HCN1: variants seen among roughly 807,000 people sequenced by gnomAD.
HCN1 encodes hyperpolarization activated cyclic nucleotide gated potassium channel 1.
HCN1 carries 13 observed loss-of-function variants against 78.9 expected under a neutral mutation model. That is an observed-to-expected ratio of 0.16 (90% CI 0.11 to 0.26). The LOEUF is 0.26. Ranked by LOEUF, HCN1 falls within the 10% of genes least tolerant of loss-of-function variation. The pLI, the probability that HCN1 is intolerant of heterozygous loss-of-function variation, is 1.00. For synonymous variants in HCN1, 552 were observed against 455.5 expected (o/e 1.21, Z -2.70); for missense variants, 810 against 1,154.3 (o/e 0.70, Z 4.32).
At chr5:45,583,785 C>T (rs1259034314) in intron 2 of HCN1, among the ~76,000 whole-genome samples, 1 of 152,060 alleles carries the variant, frequency 6.6e-6, no homozygotes, top group Admixed American at 6.5e-5. Context: ...CATTATGTAC[C>T]CAGCAGTCAT....
chr5:45,358,342 C>T (rs995414009), intron 4 of HCN1, among the ~76,000 whole-genome samples: 2 of 151,990 alleles, frequency 1.3e-5, no homozygotes, highest in African/African-American at 4.8e-5. Flanking sequence ...TTTTTATATC[C>T]ATGAAATGAT....
At chr5:45,512,702 A>C (rs1237601945) in intron 2 of HCN1, among the ~76,000 whole-genome samples, 1 of 152,114 alleles carries the variant, frequency 6.6e-6, no homozygotes, top group Non-Finnish European at 1.5e-5. Context: ...CCACGGTTAC[A>C]TTGTTGAAAA....
At chr5:45,654,022 T>C (rs1745724381) in intron 1 of HCN1, among the ~76,000 whole-genome samples, 1 of 152,138 alleles carries the variant, frequency 6.6e-6, no homozygotes, top group African/African-American at 2.4e-5. Flanking sequence ...AGAATTATGA[T>C]GCACGTTTTT....
At chr5:45,506,641 A>AT (rs954101412) in intron 2 of HCN1, among the ~76,000 whole-genome samples, 4 of 152,126 alleles carry the variant, frequency 2.6e-5, no homozygotes, top group African/African-American at 7.2e-5. Context: ...GTATTTCTTA[A>AT]TTTTTTATTT....
rs532006459 is a variant in HCN1, at chr5:45,343,779, G to T, written c.1377+9321C>A. Reference sequence around the variant, plus strand: ...GAAATGTGAGATAATATAAATAAAAGATAATAAATTCAAAGATACAGAATG... The same window carrying T: ...GAAATGTGAGATAATATAAATAAAATATAATAAATTCAAAGATACAGAATG... On this transcript the variant is annotated intron_variant, in intron 5 of 7. Coordinates refer to ENST00000303230, the MANE Select transcript of HCN1 (RefSeq NM_021072.4). Among the ~76,000 whole-genome samples the T allele has an allele frequency of 7.9e-5, 12 of 151,748 alleles. 1 individual carries two copies. The South Asian group carries it at 8.3e-4, about 11-fold the overall frequency.
chr5:45,594,753 A>G lies in HCN1; in HGVS notation c.849+50432T>C, dbSNP rs981281330. Among the ~76,000 whole-genome samples the G allele has an allele frequency of 2.0e-5, 3 of 152,188 alleles. No homozygotes were observed. In the East Asian group the frequency reaches 5.8e-4, roughly 29 times the overall value. ...AAGGAGATGTCTCCTTAAGTAACCC[A>G]CATCTGACATTAACCAAATTCATCA... On this transcript the variant is annotated intron_variant, in intron 2 of 7. Coordinates refer to ENST00000303230, the MANE Select transcript of HCN1 (RefSeq NM_021072.4).
chr5:45,381,650 C>T (rs1343915308), intron 4 of HCN1, among the ~76,000 whole-genome samples: 1 of 152,068 alleles, frequency 6.6e-6, no homozygotes, highest in Non-Finnish European at 1.5e-5. Context: ...CCTCTCACAT[C>T]TATTCCATCA....
In HCN1 at chr5:45,583,005, G is replaced by C. The variant is rs568607914; in HGVS notation, c.849+62180C>G. On this transcript the variant is annotated intron_variant, in intron 2 of 7. Transcript: ENST00000303230. ...TCTTTTTTTTTTTTGTTGTGTCTCTGCCAGGGTTTGGTATCAGGATGATGT... is the reference window on the plus strand; with the variant it reads ...TCTTTTTTTTTTTTGTTGTGTCTCTCCCAGGGTTTGGTATCAGGATGATGT... Among the ~76,000 whole-genome samples, 26 of 151,426 alleles carry C rather than the reference G, an allele frequency of 1.7e-4. No individual in the cohort carries two copies. The East Asian group carries it at 3.9e-3, about 23-fold the overall frequency.
At chr5:45,405,779 A>G (rs983900777) in intron 3 of HCN1, among the ~76,000 whole-genome samples, 4 of 152,148 alleles carry the variant, frequency 2.6e-5, no homozygotes, top group Admixed American at 6.6e-5. Context: ...CTTTTGCCTT[A>G]TAAGAGGGTT....
chr5:45,257,056 C>T lies in HCN1; in HGVS notation c.*4865G>A, dbSNP rs1744629468. On this transcript the variant is annotated 3_prime_UTR_variant, in exon 8 of 8. Transcript: ENST00000303230. ...GCAAACCTAGGACCTTCCTTAGGAC[C>T]CAGCATCCTCACAAGGCAGGGTGGG... 2 of 152,198 alleles carry T rather than the reference C, an allele frequency of 1.3e-5. No homozygotes were observed. Among genetic ancestry groups the T allele is most frequent in the Non-Finnish European group, 2.9e-5 (2 of 68,054 alleles). 9.4% of individuals were successfully genotyped at this position (152,198 alleles called of 1,614,324 possible).
At chr5:45,322,818 G>A (rs981382804) in intron 5 of HCN1, among the ~76,000 whole-genome samples, 1 of 151,746 alleles carries the variant, frequency 6.6e-6, no homozygotes, top group African/African-American at 2.4e-5. Flanking sequence ...CAATTTTATA[G>A]ATAAACCAAA....
At chr5:45,445,860 A>G (rs1184684194) in intron 3 of HCN1, among the ~76,000 whole-genome samples, 1 of 152,212 alleles carries the variant, frequency 6.6e-6, no homozygotes, top group Non-Finnish European at 1.5e-5. Flanking sequence ...ACAAACACAA[A>G]GGACATGCAC....
intron 1 of HCN1, among the ~76,000 whole-genome samples, chr5:45,675,833 T>A (rs986926892): frequency 6.6e-6 from 1 of 151,842 alleles, no homozygotes; most frequent in African/African-American, 2.4e-5. Flanking sequence ...TATACTTCAA[T>A]CTAAATAGCA....
chr5:45,292,780 CA>C (rs1165655267), intron 6 of HCN1, among the ~76,000 whole-genome samples: 4 of 151,850 alleles, frequency 2.6e-5, no homozygotes, highest in African/African-American at 9.7e-5. Context: ...AGAGCAGTGA[CA>C]AAGAAAATAT....
intron 6 of HCN1, among the ~76,000 whole-genome samples, chr5:45,272,307 A>T (rs115629931): frequency 0.01 from 1,555 of 152,116 alleles, 31 homozygotes; most frequent in African/African-American, 0.036. Flanking sequence ...TATAGAAAAA[A>T]ATTAGTCATC....
Position 45,492,319 on chromosome 5 carries a change from T to A in HCN1, c.850-30312A>T, listed in dbSNP as rs571700645. ...GTATGTGTGTGTGTGTGTGTGTGTG[T>A]GTGAGAGAGAGAGGATAGGTGTGAC... On this transcript the variant is annotated intron_variant, in intron 2 of 7. Coordinates refer to ENST00000303230, the MANE Select transcript of HCN1 (RefSeq NM_021072.4). Among the ~76,000 whole-genome samples the A allele has an allele frequency of 2.8e-4, 42 of 148,888 alleles. No individual in the cohort carries two copies. The East Asian group carries it at 6.7e-3, about 24-fold the overall frequency.
At chr5:45,485,229 GT>G (rs553975265) in intron 2 of HCN1, among the ~76,000 whole-genome samples, 34 of 152,276 alleles carry the variant, frequency 2.2e-4, no homozygotes, top group African/African-American at 7.7e-4. Flanking sequence ...TTTCAAATAA[GT>G]GACGACTTGA....
At chr5:45,610,562 T>C (rs1008739423) in intron 2 of HCN1, among the ~76,000 whole-genome samples, 3 of 149,472 alleles carry the variant, frequency 2.0e-5, no homozygotes, top group African/African-American at 7.3e-5. Flanking sequence ...ATATAAAGTA[T>C]ATATGTATAT....
At chr5:45,594,198 G>T (rs926066200) in intron 2 of HCN1, among the ~76,000 whole-genome samples, 1 of 152,180 alleles carries the variant, frequency 6.6e-6, no homozygotes, top group African/African-American at 2.4e-5. Flanking sequence ...TCTGTTTGAT[G>T]ATGATAGTAC....
Sources: allele counts gnomAD v4.1 joint callset (sites outside exome capture counted in the v4.1 genomes callset), GRCh38; gene constraint gnomAD v4.1.1; transcripts MANE v1.5; gene names NCBI Gene and HGNC (gene_info 2026-07-23, HGNC 2026-07-21).